Variants in TMEM116 observed in about 807,000 individuals in gnomAD.
TMEM116 encodes the protein transmembrane protein 116.
A neutral mutation model predicts 44.3 loss-of-function variants in TMEM116; 38 were observed. The ratio of observed to expected loss-of-function variants is 0.86; its 90% CI spans 0.66 to 1.12. The LOEUF is 1.12. Among genes scored for constraint, TMEM116 ranks in the 50% most tolerant of loss-of-function variants. TMEM116 has a pLI of 0.00. For missense variants in TMEM116, 354 were observed against 401.7 expected (o/e 0.88, Z 1.01); for synonymous variants, 132 against 144.8 (o/e 0.91, Z 0.64).
At chr12:111,943,167 G>GC in intron 5 of TMEM116, 98 bp downstream of exon 5, 1 of 921,740 alleles carries the variant, frequency 1.1e-6, no homozygotes, top group Non-Finnish European at 1.8e-6. Context: ...TAAGCAATCT[G>GC]CCCCCCTCAG....
At chr12:111,953,187 C>T (rs1325937946) in intron 4 of TMEM116, among the ~76,000 whole-genome samples, 1 of 152,134 alleles carries the variant, frequency 6.6e-6, no homozygotes, top group African/African-American at 2.4e-5. Context: ...GGTAGACTTA[C>T]CCTGTGAGCC....
chr12:111,936,422 C>A, intron 8 of TMEM116: 1 of 308,800 alleles, frequency 3.2e-6, no homozygotes, highest in Non-Finnish European at 5.9e-6. Flanking sequence ...GTTTTCTGGC[C>A]ATAGGGGATT....
intron 4 of TMEM116, among the ~76,000 whole-genome samples, chr12:111,974,099 T>C (rs2075517667): frequency 6.7e-6 from 1 of 149,536 alleles, no homozygotes; most frequent in Non-Finnish European, 1.5e-5. Flanking sequence ...GTACAGAAAA[T>C]AGCATTTGGA....
chr12:111,990,962 T>C (rs2076528662), intron 4 of TMEM116, among the ~76,000 whole-genome samples: 1 of 152,208 alleles, frequency 6.6e-6, no homozygotes, highest in Non-Finnish European at 1.5e-5. Context: ...GGCTCACACC[T>C]GTAATCCCAG....
intron 3 of TMEM116, among the ~76,000 whole-genome samples, chr12:111,996,682 G>A (rs1334420279): frequency 2.0e-5 from 3 of 151,980 alleles, no homozygotes; most frequent in African/African-American, 4.8e-5. Flanking sequence ...ATGCATTTGC[G>A]CACCAGAAAA....
intron 8 of TMEM116, 33 bp from the exon 9 acceptor site, chr12:111,934,063 T>G (rs1245855421): frequency 2.5e-6 from 4 of 1,609,684 alleles, no homozygotes. Flanking sequence ...GCAGTTTGCT[T>G]AAAGCTTAGT....
At chr12:111,983,691 T>G (rs192647643) in intron 4 of TMEM116, among the ~76,000 whole-genome samples, 1 of 152,158 alleles carries the variant, frequency 6.6e-6, no homozygotes, top group African/African-American at 2.4e-5. Flanking sequence ...AATCAAAAAA[T>G]TTCCCCAAAC....
chr12:112,001,069 CTCTA>C (rs1056217674), intron 3 of TMEM116: 7 of 183,882 alleles, frequency 3.8e-5, no homozygotes, highest in Non-Finnish European at 8.1e-5. Context: ...GTGCTTTCCT[CTCTA>C]TCTGTCTTTA....
intron 4 of TMEM116, among the ~76,000 whole-genome samples, chr12:111,991,173 C>T (rs1188994874): frequency 1.4e-5 from 2 of 137,962 alleles, no homozygotes; most frequent in East Asian, 2.4e-4. Flanking sequence ...GAGCCAAGAT[C>T]GCGCCACTGC....
At chr12:111,998,799 T>C (rs1046314187) in intron 3 of TMEM116, among the ~76,000 whole-genome samples, 12 of 151,470 alleles carry the variant, frequency 7.9e-5, no homozygotes, top group Non-Finnish European at 1.5e-4. Context: ...CCAGCCTGAA[T>C]GACAAAGCGA....
intron 1 of TMEM116, chr12:112,012,129 A>C (rs2077868949): frequency 6.6e-6 from 1 of 152,078 alleles, no homozygotes; most frequent in African/African-American, 2.4e-5. Context: ...CCTGTGCATA[A>C]TTTTCCCATT....
Position 111,940,512 on chromosome 12 carries a change from C to CAT in TMEM116, c.316-2304_316-2303dup, listed in dbSNP as rs1310254441. On this transcript the variant is annotated intron_variant, in intron 5 of 10. Transcript: ENST00000552374. ...ACACACACACACATATATATACACA[C>CAT]ATATATATGTGTATATATATATATA... 2.2e-4 allele frequency among the ~76,000 whole-genome samples: 27 copies of CAT among 120,636 alleles called. 1 individual carries two copies. Among genetic ancestry groups the CAT allele is most frequent in the African/African-American group, 8.0e-4 (23 of 28,724 alleles). The allele number at this position is 120,636 out of a possible 152,430, so 79.1% of individuals were successfully genotyped here. A position where few individuals can be genotyped will look rare whatever the true frequency, so the allele number is the denominator to read the frequency against.
intron 4 of TMEM116, among the ~76,000 whole-genome samples, chr12:111,983,703 C>T (rs2076074516): frequency 6.6e-6 from 1 of 152,130 alleles, no homozygotes; most frequent in Non-Finnish European, 1.5e-5. Flanking sequence ...TCCCCAAACA[C>T]AAAGCCTAGA....
In TMEM116 at chr12:111,940,498, C is replaced by CACAT. The variant is rs1428367550; in HGVS notation, c.316-2289_316-2288insATGT. Among the ~76,000 whole-genome samples, 83 of 118,884 alleles carry CACAT rather than the reference C, an allele frequency of 7.0e-4. 1 individual carries two copies. Among genetic ancestry groups the CACAT allele is most frequent in the East Asian group, 6.0e-3 (14 of 2,332 alleles). 78.0% of individuals were successfully genotyped at this position (118,884 alleles called of 152,430 possible). ...ATATACATACACACACACACACACA[C>CACAT]ATATATATACACACATATATATGTG... On this transcript the variant is annotated intron_variant, in intron 5 of 10. Transcript: ENST00000552374.
chr12:111,965,863 G>A (rs1047439707), intron 4 of TMEM116: 2 of 214,470 alleles, frequency 9.3e-6, no homozygotes, highest in African/African-American at 4.7e-5. Flanking sequence ...TTGAACTTGG[G>A]AGGCGGAGGT....
intron 4 of TMEM116, among the ~76,000 whole-genome samples, chr12:111,953,416 C>T (rs183254638): frequency 1.3e-5 from 2 of 152,120 alleles, no homozygotes; most frequent in Admixed American, 1.3e-4. Context: ...GGGAGAAATG[C>T]GAAAATTGTC....
At chr12:112,007,474 TTATAGTC>T (rs2136747593) in intron 1 of TMEM116, among the ~76,000 whole-genome samples, 1 of 151,990 alleles carries the variant, frequency 6.6e-6, no homozygotes, top group African/African-American at 2.4e-5. Flanking sequence ...AACAAAAAGA[TTATAGTC>T]TATAGCGGAA....
At chr12:111,978,618 A>G (rs1326179880) in intron 4 of TMEM116, 1 of 232,992 alleles carries the variant, frequency 4.3e-6, no homozygotes, top group Non-Finnish European at 9.0e-6. Context: ...AGGCTTCACA[A>G]ATGAGATTAG....
At chr12:112,004,259 T>C (rs933347460) in intron 2 of TMEM116, among the ~76,000 whole-genome samples, 5 of 151,118 alleles carry the variant, frequency 3.3e-5, no homozygotes, top group Non-Finnish European at 7.4e-5. Flanking sequence ...AGATTACAGG[T>C]GTGAGCCACC....
Sources: gnomAD v4.1 joint callset for allele counts (sites outside exome capture counted in the v4.1 genomes callset) on GRCh38, gnomAD v4.1.1 for gene constraint, MANE v1.5 for transcripts, NCBI Gene and HGNC (gene_info 2026-07-23, HGNC 2026-07-21) for gene names.